The following PTPRD variants were observed in gnomAD, a reference collection of about 807,000 sequenced individuals.
The protein encoded by PTPRD is protein tyrosine phosphatase receptor type D.
In PTPRD, 34 loss-of-function variants were observed where a neutral mutation model predicts 214.5. The observed-to-expected ratio is 0.16, with a 90% CI of 0.12 to 0.21. PTPRD has a LOEUF of 0.21. Ranked by LOEUF, PTPRD falls within the 10% of genes least tolerant of loss-of-function variation. The pLI is 1.00. For missense variants in PTPRD, 2,545 were observed against 2,398.7 expected (o/e 1.06, Z -1.27); for synonymous variants, 1,128 against 845.7 (o/e 1.33, Z -5.79).
In PTPRD at chr9:9,589,140, A is replaced by G. The variant is rs2092435111; in HGVS notation, c.-286-14359T>C. Among the ~76,000 whole-genome samples the G allele has an allele frequency of 3.3e-5, 5 of 151,926 alleles. No individual in the cohort carries two copies. In the South Asian group the frequency reaches 1.0e-3, roughly 31 times the overall value. On this transcript the variant is annotated intron_variant, in intron 7 of 45. Transcript: ENST00000381196. ...AGAAATATTTGTTTCTAAATGTATG[A>G]AATTGTGAAAACTGTGTATTAGTGA...
At chr9:10,444,113 C>A (rs977842939) in intron 2 of PTPRD, among the ~76,000 whole-genome samples, 1 of 151,658 alleles carries the variant, frequency 6.6e-6, no homozygotes, top group African/African-American at 2.4e-5. Context: ...TCTGTTGTAG[C>A]TGCCAGAATA....
chr9:9,014,642 A>G (rs2099526790), intron 11 of PTPRD, among the ~76,000 whole-genome samples: 1 of 152,148 alleles, frequency 6.6e-6, no homozygotes, highest in Non-Finnish European at 1.5e-5. Flanking sequence ...CTTGACTGTC[A>G]TCTTTATCAA....
intron 3 of PTPRD, among the ~76,000 whole-genome samples, chr9:10,059,530 G>C (rs1053807021): frequency 2.0e-5 from 3 of 152,102 alleles, no homozygotes; most frequent in African/African-American, 7.2e-5. Context: ...AAAGGCTCAA[G>C]AGAAAGAGGT....
chr9:9,458,647 G>A (rs926478127), intron 8 of PTPRD, among the ~76,000 whole-genome samples: 4 of 152,050 alleles, frequency 2.6e-5, no homozygotes, highest in Admixed American at 6.6e-5. Flanking sequence ...AGCTATCTCA[G>A]AAAGACAAAA....
chr9:8,361,446 G>A (rs959076014), intron 39 of PTPRD, among the ~76,000 whole-genome samples: 1 of 152,148 alleles, frequency 6.6e-6, no homozygotes, highest in Non-Finnish European at 1.5e-5. Context: ...GAAACTTCAT[G>A]CTATAAAAGA....
At chr9:9,244,608 C>G (rs2099972091) in intron 9 of PTPRD, among the ~76,000 whole-genome samples, 1 of 152,160 alleles carries the variant, frequency 6.6e-6, no homozygotes, top group African/African-American at 2.4e-5. Context: ...AACTGGAACC[C>G]TTCCTTACAC....
intron 2 of PTPRD, among the ~76,000 whole-genome samples, chr9:10,564,386 G>C (rs991406321): frequency 6.7e-6 from 1 of 150,156 alleles, no homozygotes; most frequent in African/African-American, 2.5e-5. Context: ...CTTCGTAACT[G>C]ACTTCTTTTA....
intron 2 of PTPRD, among the ~76,000 whole-genome samples, chr9:10,590,947 T>C (rs934654452): frequency 2.0e-5 from 3 of 151,404 alleles, no homozygotes; most frequent in Admixed American, 6.6e-5. Flanking sequence ...ATATAGGTTA[T>C]ACCTAAATAA....
intron 39 of PTPRD, among the ~76,000 whole-genome samples, chr9:8,374,904 T>TA (rs1184411340): frequency 6.6e-6 from 1 of 151,908 alleles, no homozygotes; most frequent in Non-Finnish European, 1.5e-5. Context: ...ACCCCATTTC[T>TA]AAAAAACTAG....
chr9:8,465,345 C>G, intron 32 of PTPRD, 121 bp downstream of exon 32: 1 of 869,076 alleles, frequency 1.2e-6, no homozygotes, highest in Non-Finnish European at 1.8e-6. Context: ...TGTTATTACA[C>G]TTAATAACAG....
intron 11 of PTPRD, among the ~76,000 whole-genome samples, chr9:8,831,239 C>T (rs1031072017): frequency 6.6e-6 from 1 of 152,166 alleles, no homozygotes; most frequent in Non-Finnish European, 1.5e-5. Flanking sequence ...GCACTTGTTT[C>T]AGACATTCTC....
intron 30 of PTPRD, among the ~76,000 whole-genome samples, chr9:8,471,618 A>T (rs1045685550): frequency 1.3e-5 from 2 of 152,202 alleles, no homozygotes; most frequent in Non-Finnish European, 2.9e-5. Context: ...GTAAGATATT[A>T]AAAATTCCCT....
intron 5 of PTPRD, among the ~76,000 whole-genome samples, chr9:9,864,555 G>C (rs975260771): frequency 2.6e-5 from 4 of 152,044 alleles, no homozygotes; most frequent in Non-Finnish European, 5.9e-5. Flanking sequence ...GTCTCACTCT[G>C]TTACCCTGAC....
At chr9:9,927,292 T>C (rs566061565) in intron 5 of PTPRD, among the ~76,000 whole-genome samples, 3 of 152,102 alleles carry the variant, frequency 2.0e-5, no homozygotes, top group Non-Finnish European at 4.4e-5. Context: ...CCTAAATCAA[T>C]CTCTGTGTTT....
intron 3 of PTPRD, among the ~76,000 whole-genome samples, chr9:10,088,811 A>G (rs943747138): frequency 1.3e-4 from 19 of 151,806 alleles, no homozygotes; most frequent in African/African-American, 2.2e-4. Context: ...TATACTCACT[A>G]AAGTTTAGCT....
chr9:9,826,012 G>A (rs1010131417), intron 5 of PTPRD, among the ~76,000 whole-genome samples: 6 of 151,580 alleles, frequency 4.0e-5, no homozygotes, highest in African/African-American at 1.5e-4. Context: ...TCCAATATCA[G>A]CAGGAAATTA....
chr9:9,836,229 T>G (rs973595942), intron 5 of PTPRD, among the ~76,000 whole-genome samples: 1 of 152,182 alleles, frequency 6.6e-6, no homozygotes, highest in African/African-American at 2.4e-5. Context: ...CCCCAGAATG[T>G]GAGCATATGA....
chr9:10,175,390 C>T (rs997036849), intron 3 of PTPRD, among the ~76,000 whole-genome samples: 2 of 151,960 alleles, frequency 1.3e-5, no homozygotes, highest in African/African-American at 4.8e-5. Flanking sequence ...ATCCTATCAA[C>T]AAGCAAATCA....
At chr9:9,212,419 C>T (rs1252339734) in intron 9 of PTPRD, among the ~76,000 whole-genome samples, 1 of 152,094 alleles carries the variant, frequency 6.6e-6, no homozygotes, top group Non-Finnish European at 1.5e-5. Context: ...CTACACATTC[C>T]TATTGTTGCC....
Sources: allele counts gnomAD v4.1 joint callset (sites outside exome capture counted in the v4.1 genomes callset), GRCh38; gene constraint gnomAD v4.1.1; transcripts MANE v1.5; gene names NCBI Gene and HGNC (gene_info 2026-07-23, HGNC 2026-07-21).